RORA: variants seen among roughly 807,000 people sequenced by gnomAD.
The protein encoded by RORA is RAR related orphan receptor A.
Under a neutral mutation model 69.5 loss-of-function variants are expected in RORA, and 7 were observed. That is an observed-to-expected ratio of 0.10 (90% CI 0.06 to 0.19). The LOEUF (loss-of-function observed/expected upper bound fraction) is 0.19. Among genes scored for constraint, RORA ranks in the 10% least tolerant of loss-of-function variants. RORA has a pLI of 1.00. For missense variants in RORA, 457 were observed against 663.0 expected (o/e 0.69, Z 3.41); for synonymous variants, 261 against 240.8 (o/e 1.08, Z -0.78).
At chr15:60,718,151 A>T (rs1000977614) in intron 1 of RORA, among the ~76,000 whole-genome samples, 1 of 152,338 alleles carries the variant, frequency 6.6e-6, no homozygotes, top group Admixed American at 6.5e-5. Context: ...ACTATGGTAC[A>T]GTTGGCATAA....
chr15:60,569,290 G>A (rs961117734), intron 2 of RORA, among the ~76,000 whole-genome samples: 4 of 147,796 alleles, frequency 2.7e-5, no homozygotes, highest in African/African-American at 1.0e-4. Context: ...AAAGCCATGT[G>A]TGGTGTCACA....
intron 1 of RORA, among the ~76,000 whole-genome samples, chr15:61,037,115 G>C (rs571780748): frequency 4.0e-4 from 61 of 152,260 alleles, no homozygotes; most frequent in Non-Finnish European, 8.4e-4. Flanking sequence ...TGTGACCTTA[G>C]GAAATAAACA....
intron 2 of RORA, among the ~76,000 whole-genome samples, chr15:60,614,388 T>C (rs2069174974): frequency 6.6e-6 from 1 of 151,940 alleles, no homozygotes; most frequent in South Asian, 2.1e-4. Context: ...AATAAAAAAA[T>C]TGGAGCAGCA....
intron 1 of RORA, among the ~76,000 whole-genome samples, chr15:61,217,499 T>C (rs1418025818): frequency 6.6e-6 from 1 of 151,672 alleles, no homozygotes; most frequent in Non-Finnish European, 1.5e-5. Context: ...ACATACAAGG[T>C]AGAGAGATGA....
chr15:60,700,620 G>A (rs1004392435), intron 1 of RORA, among the ~76,000 whole-genome samples: 3 of 150,188 alleles, frequency 2.0e-5, no homozygotes, highest in South Asian at 2.1e-4. Context: ...AGCAATAAAC[G>A]TTTCCCCAAC....
chr15:61,018,268 G>A (rs1193055219), intron 1 of RORA, among the ~76,000 whole-genome samples: 11 of 152,084 alleles, frequency 7.2e-5, no homozygotes, highest in African/African-American at 2.4e-4. Context: ...GGCAAGTACC[G>A]GGGGCCTCTC....
intron 1 of RORA, among the ~76,000 whole-genome samples, chr15:61,040,139 T>TATAA (rs1555404716): frequency 8.5e-6 from 1 of 117,458 alleles, no homozygotes; most frequent in African/African-American, 3.1e-5. Flanking sequence ...TATATATATA[T>TATAA]ATATATATAT....
intron 10 of RORA, among the ~76,000 whole-genome samples, chr15:60,498,693 T>A (rs1179875140): frequency 2.0e-5 from 3 of 152,156 alleles, no homozygotes; most frequent in African/African-American, 7.2e-5. Flanking sequence ...ATCCTAATGG[T>A]ACTCTTGCAT....
At chr15:60,972,286 C>A (rs1193810318) in intron 1 of RORA, among the ~76,000 whole-genome samples, 1 of 152,106 alleles carries the variant, frequency 6.6e-6, no homozygotes, top group Non-Finnish European at 1.5e-5. Flanking sequence ...ATAATAATAC[C>A]ACTGGAAGGC....
intron 1 of RORA, among the ~76,000 whole-genome samples, chr15:60,968,942 A>C (rs1342547698): frequency 6.6e-6 from 1 of 152,226 alleles, no homozygotes; most frequent in Non-Finnish European, 1.5e-5. Flanking sequence ...ACAGTTTATC[A>C]GGCCTCCCTT....
intron 1 of RORA, among the ~76,000 whole-genome samples, chr15:61,140,188 G>C (rs1007171717): frequency 1.3e-5 from 2 of 152,166 alleles, no homozygotes; most frequent in African/African-American, 4.8e-5. Context: ...AAAGACAGAG[G>C]AAGAAAAGTT....
intron 2 of RORA, among the ~76,000 whole-genome samples, chr15:60,599,755 T>G (rs530406384): frequency 1.3e-5 from 2 of 152,288 alleles, no homozygotes; most frequent in South Asian, 2.1e-4. Context: ...ACTATACACT[T>G]TCAGAGAATG....
intron 1 of RORA, among the ~76,000 whole-genome samples, chr15:60,993,133 G>C (rs1422354283): frequency 2.6e-5 from 4 of 152,130 alleles, no homozygotes; most frequent in African/African-American, 4.8e-5. Flanking sequence ...CTCTTTCTTG[G>C]ATAGTGGTAA....
chr15:60,894,003 C>A (rs1891154088), intron 1 of RORA, among the ~76,000 whole-genome samples: 1 of 152,160 alleles, frequency 6.6e-6, no homozygotes, highest in African/African-American at 2.4e-5. Context: ...GGCCGAGCAG[C>A]CATTTTGATC....
chr15:60,888,610 T>TGGCCCGCCC (rs1281327474), intron 1 of RORA, among the ~76,000 whole-genome samples: 1 of 152,188 alleles, frequency 6.6e-6, no homozygotes, highest in Non-Finnish European at 1.5e-5. Context: ...AGCAGCCGTC[T>TGGCCCGCCC]GGCCCGCCCT....
intron 1 of RORA, among the ~76,000 whole-genome samples, chr15:61,011,932 T>C (rs558865266): frequency 1.9e-4 from 29 of 152,344 alleles, no homozygotes; most frequent in Non-Finnish European, 3.8e-4. Context: ...TCCCTCAATT[T>C]ACATCTCTAT....
chr15:61,159,984 G>A (rs982851300), intron 1 of RORA, among the ~76,000 whole-genome samples: 3 of 152,216 alleles, frequency 2.0e-5, no homozygotes, highest in African/African-American at 7.2e-5. Flanking sequence ...CCCTGGGATA[G>A]AAGATGACTC....
intron 1 of RORA, among the ~76,000 whole-genome samples, chr15:60,900,279 A>G (rs368849187): frequency 8.3e-5 from 12 of 145,002 alleles, no homozygotes; most frequent in African/African-American, 3.0e-4. Flanking sequence ...TCACATACAG[A>G]TTTCGGTACG....
rs2065119943 is a variant in RORA at position 60,494,508 on chromosome 15, A to C, written c.*2947T>G. ...TATCACCCAAGTATTTTATGTCATCACATAGGTGTTTTTGTAATAATGAAG... is the reference window on the plus strand; with the variant it reads ...TATCACCCAAGTATTTTATGTCATCCCATAGGTGTTTTTGTAATAATGAAG... On this transcript the variant is annotated 3_prime_UTR_variant, in exon 11 of 11. Transcript: ENST00000335670. 1.3e-5 allele frequency: 2 copies of C among 152,258 alleles called. No homozygotes were observed. Among genetic ancestry groups the C allele is most frequent in the South Asian group, 4.1e-4 (2 of 4,836 alleles). The allele number at this position is 152,258 out of a possible 1,614,324, so 9.4% of individuals were successfully genotyped here. A position where few individuals can be genotyped will look rare whatever the true frequency, so the allele number is the denominator to read the frequency against.
Sources: allele counts gnomAD v4.1 joint callset (sites outside exome capture counted in the v4.1 genomes callset), GRCh38; gene constraint gnomAD v4.1.1; transcripts MANE v1.5; gene names NCBI Gene and HGNC (gene_info 2026-07-23, HGNC 2026-07-21).